Variants in MAML3 observed in about 807,000 individuals in gnomAD.
The protein encoded by MAML3 is mastermind like transcriptional coactivator 3, also known as mastermind-like protein 3.
MAML3 carries 27 observed loss-of-function variants against 101.9 expected under a neutral mutation model. That is an observed-to-expected ratio of 0.27 (90% confidence interval 0.20 to 0.37). The LOEUF is 0.37. Ranked by LOEUF, MAML3 falls within the 10% of genes least tolerant of loss-of-function variation. The pLI is 1.00. For synonymous variants in MAML3, 501 were observed against 555.9 expected, an observed-to-expected ratio of 0.90 and a Z score of 1.39; for missense variants, 1,316 against 1,444.9, an observed-to-expected ratio of 0.91 and a Z score of 1.45.
At chr4:140,042,252 G>A (rs1004655447) in intron 1 of MAML3, among the ~76,000 whole-genome samples, 1 of 152,136 alleles carries the variant, frequency 6.6e-6, no homozygotes, top group Non-Finnish European at 1.5e-5. Context: ...GGCTTTAAAG[G>A]CTGCTGGCAG....
At chr4:140,111,575 T>C (rs760211551) in intron 1 of MAML3, among the ~76,000 whole-genome samples, 6 of 152,202 alleles carry the variant, frequency 3.9e-5, no homozygotes, top group Non-Finnish European at 7.3e-5. Context: ...CCCCTTATAG[T>C]GGAATTTGAT....
chr4:140,097,195 C>T (rs928222116), intron 1 of MAML3, among the ~76,000 whole-genome samples: 3 of 152,168 alleles, frequency 2.0e-5, no homozygotes, highest in Admixed American at 6.5e-5. Context: ...AAAACACAAA[C>T]GGACTAAGAT....
intron 1 of MAML3, among the ~76,000 whole-genome samples, chr4:140,024,698 G>A (rs1726791663): frequency 1.3e-5 from 2 of 152,132 alleles, no homozygotes; most frequent in African/African-American, 4.8e-5. Flanking sequence ...ATACAATTTG[G>A]AGTTACATGA....
At chr4:140,012,442 T>C (rs544441977) in intron 1 of MAML3, among the ~76,000 whole-genome samples, 1 of 152,300 alleles carries the variant, frequency 6.6e-6, no homozygotes, top group East Asian at 1.9e-4. Flanking sequence ...TCATCAGTTC[T>C]TTCTTCCTCT....
chr4:140,136,064 G>A (rs1302623982), intron 1 of MAML3, among the ~76,000 whole-genome samples: 2 of 152,188 alleles, frequency 1.3e-5, no homozygotes, highest in Non-Finnish European at 2.9e-5. Context: ...AAAGCTGGAC[G>A]TTATAACAGA....
chr4:140,103,734 T>C (rs534655353), intron 1 of MAML3, among the ~76,000 whole-genome samples: 3 of 152,340 alleles, frequency 2.0e-5, no homozygotes, highest in Admixed American at 1.3e-4. Context: ...GGATGTATCT[T>C]GGACCAAGAT....
At chr4:140,050,980 T>G (rs923110109) in intron 1 of MAML3, among the ~76,000 whole-genome samples, 1 of 152,220 alleles carries the variant, frequency 6.6e-6, no homozygotes, top group Non-Finnish European at 1.5e-5. Flanking sequence ...CACTTCCAGT[T>G]TATACAATAG....
At chr4:140,063,965 G>C (rs1727489779) in intron 1 of MAML3, among the ~76,000 whole-genome samples, 1 of 152,106 alleles carries the variant, frequency 6.6e-6, no homozygotes. Context: ...TGCTGAAAGA[G>C]GTTATTTAAG....
intron 2 of MAML3, among the ~76,000 whole-genome samples, chr4:139,807,136 G>A (rs1249447544): frequency 6.6e-6 from 1 of 152,128 alleles, no homozygotes; most frequent in Non-Finnish European, 1.5e-5. Flanking sequence ...TCCAGTTTCT[G>A]CCACTTGTTG....
chr4:139,851,653 T>C (rs1360261605), intron 2 of MAML3, among the ~76,000 whole-genome samples: 1 of 152,240 alleles, frequency 6.6e-6, no homozygotes, highest in Admixed American at 6.5e-5. Context: ...GGGCATTGGC[T>C]CAGGCCTTTA....
intron 1 of MAML3, among the ~76,000 whole-genome samples, chr4:139,932,487 G>A (rs924815089): frequency 6.6e-6 from 1 of 152,152 alleles, no homozygotes; most frequent in African/African-American, 2.4e-5. Context: ...TTAGCATATT[G>A]ATTGTTTACA....
rs34801574 is a variant in MAML3, at chr4:139,748,053, TAA to T, written c.2080-17388_2080-17387del. 2.9e-3 allele frequency among the ~76,000 whole-genome samples: 276 copies of T among 95,542 alleles called. 1 individual carries two copies. Among genetic ancestry groups the T allele is most frequent in the South Asian group, 7.5e-3 (19 of 2,528 alleles). 62.7% of individuals were successfully genotyped at this position (95,542 alleles called of 152,430 possible). On this transcript the variant is annotated intron_variant, in intron 2 of 4. Transcript: ENST00000509479. ...TGGGTGGACAGAGCAAGACTTCGTC[TAA>T]AAAAAAAAAAAAAAAAAAAAAGAAT...
At chr4:140,137,296 A>AT (rs1338506823) in intron 1 of MAML3, among the ~76,000 whole-genome samples, 12 of 152,352 alleles carry the variant, frequency 7.9e-5, no homozygotes, top group African/African-American at 2.6e-4. Context: ...CCTAAAGAAG[A>AT]TTTTTTAAAC....
intron 2 of MAML3, among the ~76,000 whole-genome samples, chr4:139,835,069 G>T (rs1159404677): frequency 6.6e-6 from 1 of 152,202 alleles, no homozygotes; most frequent in Non-Finnish European, 1.5e-5. Flanking sequence ...CAAGACAAGG[G>T]GGATCTCCCC....
At chr4:140,006,474 T>A in intron 1 of MAML3, among the ~76,000 whole-genome samples, 1 of 151,562 alleles carries the variant, frequency 6.6e-6, no homozygotes, top group East Asian at 1.9e-4. Context: ...TAATCCCAGT[T>A]ACTCTGGAGG....
intron 2 of MAML3, among the ~76,000 whole-genome samples, chr4:139,798,084 G>T (rs1730546934): frequency 9.0e-6 from 1 of 111,412 alleles, no homozygotes; most frequent in Non-Finnish European, 2.0e-5. Context: ...AAGAAAGAAA[G>T]AAAGAAAGAA....
At chr4:139,772,562 C>T (rs1200679428) in intron 2 of MAML3, among the ~76,000 whole-genome samples, 1 of 151,152 alleles carries the variant, frequency 6.6e-6, no homozygotes, top group African/African-American at 2.4e-5. Flanking sequence ...AGGCTGGTCT[C>T]GAACTCCTGA....
At position 140,028,603 on chromosome 4, in the gene MAML3, C is replaced by T. The variant is rs553870068; in HGVS notation, c.468+124257G>A. ...TTGTTTTCTTCTTTTTTTAATGAAA[C>T]GGGTCTTCATTACTGTTTAATTATC... On this transcript the variant is annotated intron_variant, in intron 1 of 4. Coordinates refer to ENST00000509479, the MANE Select transcript of MAML3 (RefSeq NM_018717.5). Among the ~76,000 whole-genome samples, 4 of 152,076 alleles carry T rather than the reference C, an allele frequency of 2.6e-5. No individual in the cohort carries two copies. The South Asian group carries it at 6.3e-4, about 24-fold the overall frequency.
intron 1 of MAML3, among the ~76,000 whole-genome samples, chr4:140,146,227 A>G (rs1474465638): frequency 6.6e-6 from 1 of 152,150 alleles, no homozygotes; most frequent in Non-Finnish European, 1.5e-5. Flanking sequence ...ACAGCTTGCC[A>G]TAGTAGTAAC....
Sources: allele counts gnomAD v4.1 joint callset (sites outside exome capture counted in the v4.1 genomes callset), GRCh38; gene constraint gnomAD v4.1.1; transcripts MANE v1.5; gene names NCBI Gene and HGNC (gene_info 2026-07-23, HGNC 2026-07-21).